The following FAT3 variants were observed in gnomAD, a reference collection of about 807,000 sequenced individuals.
The protein encoded by FAT3 is FAT atypical cadherin 3.
FAT3 carries 95 observed loss-of-function variants against 310.2 expected under a neutral mutation model. That is an observed-to-expected ratio of 0.31 (90% confidence interval 0.26 to 0.36). FAT3 has a LOEUF of 0.36. Ranked by LOEUF, FAT3 falls within the 10% of genes least tolerant of loss-of-function variation. FAT3 has a pLI of 1.00. For missense variants in FAT3, 5,408 were observed against 5,715.6 expected (o/e 0.95, Z 1.74); for synonymous variants, 2,314 against 2,192.9 (o/e 1.06, Z -1.54).
intron 24 of FAT3, among the ~76,000 whole-genome samples, chr11:92,884,424 A>T (rs913828644): frequency 6.6e-6 from 1 of 152,208 alleles, no homozygotes; most frequent in East Asian, 1.9e-4. Flanking sequence ...TGTAGTGTCC[A>T]TCACAAGGAG....
intron 13 of FAT3, among the ~76,000 whole-genome samples, chr11:92,829,535 G>T (rs1396443918): frequency 2.6e-5 from 4 of 152,128 alleles, no homozygotes; most frequent in Non-Finnish European, 4.4e-5. Flanking sequence ...TGTTTTCCAG[G>T]TGCAAGCTTG....
At chr11:92,243,814 G>T (rs989076364) in intron 1 of FAT3, among the ~76,000 whole-genome samples, 7 of 151,962 alleles carry the variant, frequency 4.6e-5, no homozygotes, top group East Asian at 1.9e-4. Flanking sequence ...ATGAAATTTT[G>T]ATTTGGGTAT....
At chr11:92,411,854 C>A (rs1950276845) in intron 2 of FAT3, among the ~76,000 whole-genome samples, 1 of 151,764 alleles carries the variant, frequency 6.6e-6, no homozygotes, top group Admixed American at 6.6e-5. Context: ...TGTATAATAG[C>A]CTTTGCCATA....
At chr11:92,867,937 G>T (rs1026144591) in intron 22 of FAT3, among the ~76,000 whole-genome samples, 3 of 151,908 alleles carry the variant, frequency 2.0e-5, no homozygotes, top group African/African-American at 4.8e-5. Context: ...TTTATAGAGA[G>T]TTTCTTTTGT....
chr11:92,713,249 A>C (rs1944580455), intron 4 of FAT3, among the ~76,000 whole-genome samples: 1 of 152,222 alleles, frequency 6.6e-6, no homozygotes, highest in Non-Finnish European at 1.5e-5. Flanking sequence ...TGATAAGCAA[A>C]GGGAAAAGCA....
intron 1 of FAT3, among the ~76,000 whole-genome samples, chr11:92,257,375 G>T (rs569938410): frequency 3.3e-5 from 5 of 152,046 alleles, no homozygotes; most frequent in Non-Finnish European, 5.9e-5. Context: ...AAGTAGCTGT[G>T]GGGGAGATGA....
chr11:92,416,991 C>A (rs1004533982), intron 2 of FAT3, among the ~76,000 whole-genome samples: 1 of 152,182 alleles, frequency 6.6e-6, no homozygotes, highest in South Asian at 2.1e-4. Context: ...TTGGAAAATA[C>A]CAGTCAGACA....
chr11:92,368,251 T>G (rs574751253), intron 2 of FAT3, among the ~76,000 whole-genome samples: 1 of 152,312 alleles, frequency 6.6e-6, no homozygotes, highest in Non-Finnish European at 1.5e-5. Flanking sequence ...ATTTGTGTTT[T>G]TTATTATTGA....
Position 92,764,869 on chromosome 11 carries a change from G to A in FAT3, c.3985-10G>A, listed in dbSNP as rs780019854. On this transcript the variant is annotated splice_polypyrimidine_tract_variant and intron_variant, in intron 5 of 27. Transcript: ENST00000525166. ...TGAGACATCTTTCTCTTCTCTCCCT[G>A]TGTGAGTAGATAAAGGCAGTGGACA... is the stretch of plus-strand genomic sequence containing the variant. 6 of 1,612,664 alleles carry A rather than the reference G, an allele frequency of 3.7e-6. No homozygotes were observed. In the South Asian group the frequency reaches 5.5e-5, roughly 15 times the overall value.
intron 4 of FAT3, among the ~76,000 whole-genome samples, chr11:92,732,462 T>A (rs1282017108): frequency 6.6e-6 from 1 of 152,178 alleles, no homozygotes; most frequent in African/African-American, 2.4e-5. Context: ...ATGAATAAGA[T>A]ATTGCTTATA....
At chr11:92,526,018 T>G (rs1438515939) in intron 3 of FAT3, among the ~76,000 whole-genome samples, 1 of 152,210 alleles carries the variant, frequency 6.6e-6, no homozygotes, top group Non-Finnish European at 1.5e-5. Flanking sequence ...TTAAGCAGAC[T>G]TTTGCATTCT....
chr11:92,705,635 TGATGGTGGTTGGTGGTG>T, intron 4 of FAT3, among the ~76,000 whole-genome samples: 1 of 98 alleles, frequency 0.01, no homozygotes, highest in African/African-American at 0.042. Context: ...TGGTGGTGTG[TGATGGTGGTTGGTGGTG>T]TGATGGTGGT....
chr11:92,718,401 G>T (rs1791559), intron 4 of FAT3, among the ~76,000 whole-genome samples: 2 of 151,734 alleles, frequency 1.3e-5, no homozygotes, highest in African/African-American at 2.4e-5. Context: ...GGGTTCCTGC[G>T]CTCAAGCTGG....
At position 92,883,743 on chromosome 11, in the gene FAT3, G is replaced by C. The variant is rs888057454; in HGVS notation, c.12937+350G>C. ...CAAAAGAAAAGAAGAAAGTATACTA[G>C]TTATTGTGTATAAATTATAATAGTG... On this transcript the variant is annotated intron_variant, in intron 24 of 27. Transcript: ENST00000525166. The surrounding 1 kb of genome is among the most constrained non-coding windows in gnomAD (Gnocchi z 4.2). 2.0e-5 allele frequency among the ~76,000 whole-genome samples: 3 copies of C among 152,168 alleles called. No individual in the cohort carries two copies. The highest frequency in any genetic ancestry group is 4.4e-5 in the Non-Finnish European group (3 of 68,032).
intron 2 of FAT3, among the ~76,000 whole-genome samples, chr11:92,429,450 A>G (rs576856168): frequency 6.6e-6 from 1 of 152,256 alleles, no homozygotes; most frequent in Admixed American, 6.5e-5. Context: ...TTTGCCCATT[A>G]GTTGATGCAG....
intron 4 of FAT3, among the ~76,000 whole-genome samples, chr11:92,739,641 A>G (rs889734242): frequency 1.3e-5 from 2 of 152,218 alleles, no homozygotes; most frequent in African/African-American, 4.8e-5. Context: ...AGGAAAAGAA[A>G]GATGCTTATT....
intron 11 of FAT3, 96 bp downstream of exon 11, chr11:92,805,445 G>A (rs1447350917): frequency 7.7e-7 from 1 of 1,302,082 alleles, no homozygotes; most frequent in Non-Finnish European, 1.0e-6. Flanking sequence ...GCAAACTTCT[G>A]CTCTTATCTG....
At chr11:92,295,356 C>G (rs1160928665) in intron 1 of FAT3, among the ~76,000 whole-genome samples, 1 of 152,022 alleles carries the variant, frequency 6.6e-6, no homozygotes, top group Non-Finnish European at 1.5e-5. Flanking sequence ...GCCAGGAGGC[C>G]GTGTTGGATT....
chr11:92,840,810 G>C, intron 18 of FAT3, 51 bp downstream of exon 18: 2 of 1,452,776 alleles, frequency 1.4e-6, no homozygotes, highest in South Asian at 1.6e-5. Context: ...TCTCATGCTT[G>C]TTTCTGTCCC....
Sources: allele counts gnomAD v4.1 joint callset (sites outside exome capture counted in the v4.1 genomes callset), GRCh38; gene constraint gnomAD v4.1.1; non-coding constraint Gnocchi (gnomAD v3.1); transcripts MANE v1.5; gene names NCBI Gene and HGNC (gene_info 2026-07-23, HGNC 2026-07-21).